The following MAP3K3 variants were observed in gnomAD, a reference collection of about 807,000 sequenced individuals.
MAP3K3 encodes the protein MAP/ERK kinase kinase 3.
Under a neutral mutation model 80.9 loss-of-function variants are expected in MAP3K3, and 12 were observed. The observed-to-expected ratio is 0.15, with a 90% confidence interval of 0.10 to 0.24. The LOEUF (loss-of-function observed/expected upper bound fraction) is 0.24. Ranked by LOEUF, MAP3K3 falls within the 10% of genes least tolerant of loss-of-function variation. MAP3K3 has a pLI of 1.00. For missense variants in MAP3K3, 596 were observed against 834.7 expected, an observed-to-expected ratio of 0.71 and a Z score of 3.52; for synonymous variants, 272 against 307.1, an observed-to-expected ratio of 0.89 and a Z score of 1.19.
chr17:63,691,122 C>T lies in MAP3K3; in HGVS notation c.1233C>T (p.Cys411=), dbSNP rs1160146907. 8 of 1,614,114 alleles carry T rather than the reference C, an allele frequency of 5.0e-6. No individual in the cohort carries two copies. The highest frequency in any genetic ancestry group is 4.4e-5 in the South Asian group (4 of 91,084). ...ETSKEVSALE[C]EIQLLKNLQH... is the part of the protein sequence containing the mutation. ...CCTAGGAGGTGAGTGCTCTGGAGTG[C>T]GAGATCCAGTTGCTAAAGAACTTGC... The change falls in exon 13 of 16, where the codon TGC becomes TGT. Residue 411 remains cysteine, a synonymous_variant. Coordinates refer to ENST00000361733, the MANE Select transcript of MAP3K3 (RefSeq NM_002401.5). This position sits in a 1 kb window ranked among gnomAD's most constrained non-coding sequence, Gnocchi z 4.8.
intron 2 of MAP3K3, among the ~76,000 whole-genome samples, chr17:63,643,205 T>C (rs7223672): frequency 0.28 from 42,675 of 152,004 alleles, 6,399 homozygotes; most frequent in African/African-American, 0.37. Flanking sequence ...ATGTAAGATA[T>C]TAATAATAGG....
Position 63,688,776 on chromosome 17 carries a change from C to T in MAP3K3, c.779-13C>T. 1 of 1,598,124 alleles carries T rather than the reference C, an allele frequency of 6.3e-7. No individual in the cohort carries two copies. The highest frequency in any genetic ancestry group is 8.6e-7 in the Non-Finnish European group (1 of 1,165,396). ...ACCTACCCAGAAGCCAGTGATTCCC[C>T]TGTCTTACTCAGATCGGGAAACTCA... On this transcript the variant is annotated splice_polypyrimidine_tract_variant and intron_variant, in intron 9 of 15. Coordinates refer to ENST00000361733, the MANE Select transcript of MAP3K3 (RefSeq NM_002401.5).
intron 5 of MAP3K3, among the ~76,000 whole-genome samples, chr17:63,666,169 T>G (rs758013217): frequency 1.3e-4 from 20 of 152,100 alleles, no homozygotes; most frequent in Non-Finnish European, 2.6e-4. Context: ...CTGGGAGGAT[T>G]GCTGACCCTC....
intron 2 of MAP3K3, among the ~76,000 whole-genome samples, chr17:63,642,458 A>C (rs939036140): frequency 6.6e-6 from 1 of 152,060 alleles, no homozygotes; most frequent in African/African-American, 2.4e-5. Context: ...TCAAGAGTTC[A>C]AGACCAACCT....
intron 6 of MAP3K3, among the ~76,000 whole-genome samples, chr17:63,680,061 T>C (rs1243333399): frequency 6.6e-6 from 1 of 152,186 alleles, no homozygotes; most frequent in Non-Finnish European, 1.5e-5. Context: ...ATGAGTCAGG[T>C]ACTTCCCTAG....
intron 5 of MAP3K3, among the ~76,000 whole-genome samples, chr17:63,662,620 G>A (rs910703185): frequency 1.3e-5 from 2 of 149,800 alleles, no homozygotes; most frequent in East Asian, 3.9e-4. Context: ...TTGTAGTCTA[G>A]TGCCTGTCAG....
intron 3 of MAP3K3, among the ~76,000 whole-genome samples, chr17:63,651,108 C>T (rs2034646389): frequency 6.6e-6 from 1 of 152,080 alleles, no homozygotes; most frequent in Admixed American, 6.6e-5. Context: ...TTGGGTTGAA[C>T]CCATATAAAA....
chr17:63,671,894 C>T (rs2035116652), intron 6 of MAP3K3, among the ~76,000 whole-genome samples: 1 of 151,756 alleles, frequency 6.6e-6, no homozygotes, highest in Non-Finnish European at 1.5e-5. Flanking sequence ...ATTGAATTTG[C>T]AGGTGTTTTC....
At chr17:63,659,422 A>G (rs934469202) in intron 5 of MAP3K3, among the ~76,000 whole-genome samples, 9 of 152,110 alleles carry the variant, frequency 5.9e-5, no homozygotes, top group African/African-American at 2.2e-4. Context: ...TTATGATCCA[A>G]AATTGCTCTG....
chr17:63,689,781 A>C lies in MAP3K3; in HGVS notation c.1063+46A>C. ...AGGAGGAGACTGCCCAGGTGGTCTC[A>C]GACAAGCTACGGGGGCAAACAGCTG... On this transcript the variant is annotated intron_variant, in intron 11 of 15. Coordinates refer to ENST00000361733, the MANE Select transcript of MAP3K3 (RefSeq NM_002401.5). The surrounding 1 kb of genome is among the most constrained non-coding windows in gnomAD (Gnocchi z 4.3). 6.4e-7 allele frequency: 1 copy of C among 1,554,790 alleles called. No individual in the cohort carries two copies. Among genetic ancestry groups the C allele is most frequent in the Non-Finnish European group, 8.7e-7 (1 of 1,144,750 alleles).
intron 12 of MAP3K3, chr17:63,690,746 G>A: frequency 4.6e-6 from 2 of 438,692 alleles, no homozygotes; most frequent in Non-Finnish European, 8.3e-6. Flanking sequence ...AGGAGCTGTG[G>A]GGCTCCTTCA....
intron 1 of MAP3K3, among the ~76,000 whole-genome samples, chr17:63,623,098 G>A (rs1490966180): frequency 6.6e-6 from 1 of 152,078 alleles, no homozygotes; most frequent in Non-Finnish European, 1.5e-5. Context: ...GCGAGCCCGA[G>A]GGCGGGGGAG....
intron 2 of MAP3K3, among the ~76,000 whole-genome samples, chr17:63,633,692 C>T (rs1305873714): frequency 2.6e-5 from 4 of 152,206 alleles, no homozygotes; most frequent in Admixed American, 6.5e-5. Context: ...TGTAGTGCCA[C>T]TTACCTGTTT....
At chr17:63,645,845 A>G (rs1311452683) in intron 2 of MAP3K3, among the ~76,000 whole-genome samples, 189 bp from the exon 3 acceptor site, 1 of 152,222 alleles carries the variant, frequency 6.6e-6, no homozygotes, top group African/African-American at 2.4e-5. Context: ...GTTGTCCCTG[A>G]TGTTAGAACT....
At chr17:63,660,029 G>T (rs1225085991) in intron 5 of MAP3K3, among the ~76,000 whole-genome samples, 1 of 152,116 alleles carries the variant, frequency 6.6e-6, no homozygotes, top group African/African-American at 2.4e-5. Context: ...CAGTATACCA[G>T]TGTGTGGACT....
intron 1 of MAP3K3, among the ~76,000 whole-genome samples, chr17:63,631,212 G>C (rs1216031459): frequency 6.6e-6 from 1 of 152,192 alleles, no homozygotes; most frequent in African/African-American, 2.4e-5. Flanking sequence ...TTTGAGCCTG[G>C]GGGTGGAGGA....
intron 2 of MAP3K3, chr17:63,636,953 G>A: frequency 3.4e-6 from 2 of 594,720 alleles, no homozygotes. Flanking sequence ...CTGGTCTAGG[G>A]GGGCCTCCAA....
At chr17:63,690,813 A>G (rs972583623) in intron 12 of MAP3K3, among the ~76,000 whole-genome samples, 4 of 152,120 alleles carry the variant, frequency 2.6e-5, no homozygotes, top group African/African-American at 7.2e-5. Flanking sequence ...TCAGCTTTCA[A>G]CGTCGCTTAT....
chr17:63,623,125 G>A (rs1347310061), intron 1 of MAP3K3, among the ~76,000 whole-genome samples: 1 of 152,116 alleles, frequency 6.6e-6, no homozygotes, highest in Non-Finnish European at 1.5e-5. Context: ...CGCAGTGTGG[G>A]GCCCGGGCTG....
Sources: allele counts gnomAD v4.1 joint callset (sites outside exome capture counted in the v4.1 genomes callset), GRCh38; gene constraint gnomAD v4.1.1; non-coding constraint Gnocchi (gnomAD v3.1); transcripts MANE v1.5; gene names NCBI Gene and HGNC (gene_info 2026-07-23, HGNC 2026-07-21).